Variants in LMO3 observed in about 807,000 individuals in gnomAD.
LMO3 encodes LIM domain only 3.
In LMO3, 2 loss-of-function variants were observed where a neutral mutation model predicts 15.8. That is an observed-to-expected ratio of 0.13 (90% CI 0.05 to 0.40). The LOEUF (loss-of-function observed/expected upper bound fraction) is 0.40. Ranked by LOEUF, LMO3 falls within the 10% of genes least tolerant of loss-of-function variation. The probability of loss-of-function intolerance (pLI) is 0.99; values close to 1 mark genes in which losing one functional copy is unlikely to be tolerated. For synonymous variants in LMO3, 62 were observed against 63.8 expected (o/e 0.97, Z 0.13); for missense variants, 86 against 182.2 (o/e 0.47, Z 3.04).
At position 16,549,829 on chromosome 12, in the gene LMO3, T is replaced by C. The variant is rs1206239608; in HGVS notation, c.*1393A>G. On this transcript the variant is annotated 3_prime_UTR_variant, in exon 4 of 4. Coordinates refer to ENST00000537304, the MANE Select transcript of LMO3 (RefSeq NM_018640.5). ...TTAATTGTAATTTAAATAATCATTC[T>C]CCATAATTTCTCTTTCTAGAGCTTT... The C allele has an allele frequency of 6.6e-6, 1 of 152,102 alleles. No homozygotes were observed. Among genetic ancestry groups the C allele is most frequent in the Non-Finnish European group, 1.5e-5 (1 of 67,972 alleles). The allele number at this position is 152,102 out of a possible 1,614,324, so 9.4% of individuals were successfully genotyped here.
chr12:16,570,655 A>T (rs1255595949), intron 2 of LMO3, among the ~76,000 whole-genome samples: 1 of 152,158 alleles, frequency 6.6e-6, no homozygotes, highest in East Asian at 1.9e-4. Context: ...GGCTTAGCAA[A>T]GCTCCACTGT....
rs1007889982 is a variant in LMO3 at position 16,586,208 on chromosome 12, C to A, written c.206+14447G>T. The stretch of plus-strand genomic sequence containing the variant: ...AGGTAATCTGCCATAAATACTATTT[C>A]CTTCAGATGACTTCTTAAAACATAA... On this transcript the variant is annotated intron_variant, in intron 2 of 3. Coordinates refer to ENST00000537304, the MANE Select transcript of LMO3 (RefSeq NM_018640.5). The surrounding 1 kb of genome is among the most constrained non-coding windows in gnomAD (Gnocchi z 4.3). Among the ~76,000 whole-genome samples the A allele has an allele frequency of 6.6e-6, 1 of 152,158 alleles. No homozygotes were observed. Among genetic ancestry groups the A allele is most frequent in the Non-Finnish European group, 1.5e-5 (1 of 68,026 alleles).
At chr12:16,602,708 G>A (rs544363086) in intron 1 of LMO3, among the ~76,000 whole-genome samples, 2 of 152,270 alleles carry the variant, frequency 1.3e-5, no homozygotes, top group African/African-American at 4.8e-5. Flanking sequence ...AACAAATGAA[G>A]TTTCTTTGAT....
intron 1 of LMO3, chr12:16,605,226 G>T: frequency 7.7e-7 from 1 of 1,298,340 alleles, no homozygotes; most frequent in Non-Finnish European, 9.8e-7. Flanking sequence ...GGTAACAAAT[G>T]GATTTGATTA....
chr12:16,594,397 T>A, intron 2 of LMO3: 1 of 673,298 alleles, frequency 1.5e-6, no homozygotes, highest in Non-Finnish European at 2.2e-6. Context: ...AAATGGAGTT[T>A]TATAAAAATA....
chr12:16,568,596 AAAG>A (rs1942699696), intron 2 of LMO3, among the ~76,000 whole-genome samples: 1 of 152,226 alleles, frequency 6.6e-6, no homozygotes. Context: ...TTAGCACAAA[AAAG>A]AAAAATATTT....
chr12:16,552,472 A>G (rs1565478439), intron 3 of LMO3, among the ~76,000 whole-genome samples: 1 of 152,034 alleles, frequency 6.6e-6, no homozygotes, highest in East Asian at 1.9e-4. Flanking sequence ...GAGCAGTTGG[A>G]CTGATTTACA....
chr12:16,559,410 A>G lies in LMO3; in HGVS notation c.332+1003T>C, dbSNP rs1259034640. On this transcript the variant is annotated intron_variant, in intron 3 of 3. Coordinates refer to ENST00000537304, the MANE Select transcript of LMO3 (RefSeq NM_018640.5). This position sits in a 1 kb window ranked among gnomAD's most constrained non-coding sequence, Gnocchi z 4.1. ...CTCTGAGATGAACTAATCCAGCTTC[A>G]TATGTTACAAATGAAAAACCTGAGG... Among the ~76,000 whole-genome samples the G allele has an allele frequency of 2.0e-5, 3 of 152,130 alleles. No individual in the cohort carries two copies. The highest frequency in any genetic ancestry group is 2.9e-5 in the Non-Finnish European group (2 of 68,032).
In LMO3 at chr12:16,598,884, C is replaced by A; in HGVS notation, c.206+1771G>T. On this transcript the variant is annotated intron_variant, in intron 2 of 3. Transcript: ENST00000537304. The surrounding 1 kb of genome is among the most constrained non-coding windows in gnomAD (Gnocchi z 4.3). Reference sequence around the variant, plus strand: ...TCTTTCAAGTTTACTTAATTTTTGTCCTTTGGTTTATTAAAACACCTTAAC... The same window carrying A: ...TCTTTCAAGTTTACTTAATTTTTGTACTTTGGTTTATTAAAACACCTTAAC... 3.7e-6 allele frequency: 1 copy of A among 272,594 alleles called. No individual in the cohort carries two copies. Among genetic ancestry groups the A allele is most frequent in the Non-Finnish European group, 7.6e-6 (1 of 131,512 alleles). 16.9% of individuals were successfully genotyped at this position (272,594 alleles called of 1,614,324 possible). A position where few individuals can be genotyped will look rare whatever the true frequency, so the allele number is the denominator to read the frequency against.
intron 2 of LMO3, among the ~76,000 whole-genome samples, chr12:16,566,921 C>A (rs1942637893): frequency 6.6e-6 from 1 of 152,104 alleles, no homozygotes; most frequent in South Asian, 2.1e-4. Flanking sequence ...AAAAAACTAC[C>A]AAAAGCCCAT....
At chr12:16,568,286 G>A (rs1441257650) in intron 2 of LMO3, among the ~76,000 whole-genome samples, 1 of 152,174 alleles carries the variant, frequency 6.6e-6, no homozygotes, top group Non-Finnish European at 1.5e-5. Flanking sequence ...ATCCATTCCA[G>A]TTTGAAGGTT....
chr12:16,566,942 C>CAT lies in LMO3; in HGVS notation c.207-6406_207-6405dup, dbSNP rs753206020. On this transcript the variant is annotated intron_variant, in intron 2 of 3. Coordinates refer to ENST00000537304, the MANE Select transcript of LMO3 (RefSeq NM_018640.5). ...CTACCAAAAGCCCATGCTACATAGT[C>CAT]ATATATATATATGTTAAAAACTACA... Among the ~76,000 whole-genome samples the CAT allele has an allele frequency of 1.3e-3, 193 of 152,016 alleles. 1 individual carries two copies. Among genetic ancestry groups the CAT allele is most frequent in the Middle Eastern group, 3.4e-3 (1 of 292 alleles).
chr12:16,570,589 A>G (rs1233907052), intron 2 of LMO3, among the ~76,000 whole-genome samples: 1 of 152,126 alleles, frequency 6.6e-6, no homozygotes, highest in Admixed American at 6.6e-5. Flanking sequence ...TAATGTTTTC[A>G]TGTGTCAATT....
intron 3 of LMO3, among the ~76,000 whole-genome samples, chr12:16,551,802 C>G (rs1394081394): frequency 2.6e-5 from 4 of 151,868 alleles, no homozygotes; most frequent in Non-Finnish European, 5.9e-5. Flanking sequence ...TTTAAAGCTT[C>G]CCATTTAAAG....
At chr12:16,606,266 G>C (rs1211760336), upstream of LMO3, 1 of 157,926 alleles carries the variant, frequency 6.3e-6, no homozygotes, top group African/African-American at 2.4e-5. Context: ...CCGCATCTGA[G>C]CCACAGGTGT....
Position 16,604,779 on chromosome 12 carries a change from A to G in LMO3, c.-9+1287T>C. 1 of 1,425,376 alleles carries G rather than the reference A, an allele frequency of 7.0e-7. No individual in the cohort carries two copies. Among genetic ancestry groups the G allele is most frequent in the South Asian group, 1.2e-5 (1 of 86,376 alleles). 88.3% of individuals were successfully genotyped at this position (1,425,376 alleles called of 1,614,324 possible). A position where few individuals can be genotyped will look rare whatever the true frequency, so the allele number is the denominator to read the frequency against. ...ATTTCGGTTCTTTCAGAAAGACACAAAAGCAGCGGAAAAGCAGAAAGGCTT... is the reference window on the plus strand; with the variant it reads ...ATTTCGGTTCTTTCAGAAAGACACAGAAGCAGCGGAAAAGCAGAAAGGCTT... On this transcript the variant is annotated intron_variant, in intron 1 of 3. Coordinates refer to ENST00000537304, the MANE Select transcript of LMO3 (RefSeq NM_018640.5). This position sits in a 1 kb window ranked among gnomAD's most constrained non-coding sequence, Gnocchi z 5.3.
intron 2 of LMO3, among the ~76,000 whole-genome samples, chr12:16,568,153 G>A (rs964846153): frequency 1.3e-5 from 2 of 152,144 alleles, no homozygotes; most frequent in African/African-American, 4.8e-5. Context: ...GGTATTGTAT[G>A]TTAATGGAAA....
At chr12:16,561,848 C>G (rs1186073015) in intron 2 of LMO3, among the ~76,000 whole-genome samples, 2 of 152,136 alleles carry the variant, frequency 1.3e-5, no homozygotes, top group African/African-American at 4.8e-5. Flanking sequence ...GCATAAGCGC[C>G]TTGAAGGTAG....
In LMO3 at chr12:16,548,944, G is replaced by T. The variant is rs775872342; in HGVS notation, c.*2278C>A. 5.9e-5 allele frequency: 9 copies of T among 152,104 alleles called. No individual in the cohort carries two copies. The highest frequency in any genetic ancestry group is 1.2e-4 in the Non-Finnish European group (8 of 68,016). The allele number at this position is 152,104 out of a possible 1,614,324, so 9.4% of individuals were successfully genotyped here. ...AGAAAAAGCAGTGAAAACCTTGTTT[G>T]GTCTTCCAGTGGCAAGGATAGTTGA... is the stretch of plus-strand genomic sequence containing the variant. On this transcript the variant is annotated 3_prime_UTR_variant, in exon 4 of 4. Transcript: ENST00000537304. The surrounding 1 kb of genome is among the most constrained non-coding windows in gnomAD (Gnocchi z 4.2).
Sources: gnomAD v4.1 joint callset for allele counts (sites outside exome capture counted in the v4.1 genomes callset) on GRCh38, gnomAD v4.1.1 for gene constraint, Gnocchi (gnomAD v3.1) non-coding constraint, MANE v1.5 for transcripts, NCBI Gene and HGNC (gene_info 2026-07-23, HGNC 2026-07-21) for gene names.